Variants in MTSS1 observed in about 807,000 individuals in gnomAD.
MTSS1 encodes the protein MTSS I-BAR domain containing 1, also known as protein MTSS 1.
A neutral mutation model predicts 79.0 loss-of-function variants in MTSS1; 18 were observed. That is an observed-to-expected ratio of 0.23 (90% confidence interval 0.16 to 0.34). The LOEUF is 0.34. Ranked by LOEUF, MTSS1 falls within the 10% of genes least tolerant of loss-of-function variation. MTSS1 has a pLI of 1.00. For synonymous variants in MTSS1, 341 were observed against 368.6 expected (o/e 0.93, Z 0.86); for missense variants, 815 against 986.2 (o/e 0.83, Z 2.33).
chr8:124,591,340 T>C (rs1587061141), intron 3 of MTSS1, 105 bp from the exon 4 acceptor site: 1 of 895,568 alleles, frequency 1.1e-6, no homozygotes, highest in East Asian at 2.5e-5. Context: ...CATTGTAAAA[T>C]ATAAGCCACC....
At position 124,553,118 on chromosome 8, in the gene MTSS1, C is replaced by G; in HGVS notation, c.2142G>C (p.Glu714Asp). Residue 714 changes from glutamate (E) to aspartate (D), a missense_variant, in exon 14 of 14, where the codon GAG becomes GAC. By Grantham distance (45) the Glu-to-Asp change is conservative. Coordinates refer to ENST00000518547, the MANE Select transcript of MTSS1 (RefSeq NM_014751.6). This position sits in a 1 kb window ranked among gnomAD's most constrained non-coding sequence, Gnocchi z 6.0. ...TTGGGCTCAGGTCTGCAGGGTCACTCTCTGGAATCTGGCCTGGGGAGACAG... is the reference window on the plus strand; with the variant it reads ...TTGGGCTCAGGTCTGCAGGGTCACTGTCTGGAATCTGGCCTGGGGAGACAG... ...SATVSPGQIPESDPADLSPRD... is the reference protein window; with the variant it reads ...SATVSPGQIPDSDPADLSPRD... 2 of 1,614,142 alleles carry G rather than the reference C, an allele frequency of 1.2e-6. No homozygotes were observed. The highest frequency in any genetic ancestry group is 1.7e-6 in the Non-Finnish European group (2 of 1,180,026).
chr8:124,720,615 T>A (rs1453324758), intron 1 of MTSS1, among the ~76,000 whole-genome samples: 1 of 152,194 alleles, frequency 6.6e-6, no homozygotes, highest in Non-Finnish European at 1.5e-5. Context: ...CAGCTGACCT[T>A]TGTAATGAAC....
At chr8:124,599,488 A>C (rs1013018411) in intron 3 of MTSS1, among the ~76,000 whole-genome samples, 5 of 147,418 alleles carry the variant, frequency 3.4e-5, no homozygotes, top group Non-Finnish European at 6.0e-5. Flanking sequence ...GTCTCAAAAA[A>C]AAAAAAAAAA....
At chr8:124,636,996 C>T (rs1563910048) in intron 3 of MTSS1, among the ~76,000 whole-genome samples, 1 of 152,300 alleles carries the variant, frequency 6.6e-6, no homozygotes, top group East Asian at 1.9e-4. Flanking sequence ...ATAAAGATGG[C>T]TACGGAAGGA....
chr8:124,720,302 G>T (rs530031119), intron 1 of MTSS1, among the ~76,000 whole-genome samples: 16 of 152,330 alleles, frequency 1.1e-4, no homozygotes, highest in Non-Finnish European at 1.8e-4. Context: ...CACACAAAAG[G>T]TTAAGGCAGG....
chr8:124,709,432 C>A (rs1830842667), intron 1 of MTSS1, among the ~76,000 whole-genome samples: 1 of 152,210 alleles, frequency 6.6e-6, no homozygotes, highest in Non-Finnish European at 1.5e-5. Flanking sequence ...CACATAAAGG[C>A]TTCACAACGT....
chr8:124,719,411 C>T (rs1832590494), intron 1 of MTSS1, among the ~76,000 whole-genome samples: 1 of 152,198 alleles, frequency 6.6e-6, no homozygotes. Context: ...GGACTCTGTA[C>T]TCCCACCCTA....
At chr8:124,680,894 A>C (rs1416456545) in intron 3 of MTSS1, among the ~76,000 whole-genome samples, 2 of 152,136 alleles carry the variant, frequency 1.3e-5, no homozygotes, top group African/African-American at 4.8e-5. Flanking sequence ...CTCTACTCCT[A>C]GGGGAGGATG....
intron 3 of MTSS1, among the ~76,000 whole-genome samples, chr8:124,599,527 A>G (rs1037857379): frequency 2.0e-5 from 3 of 152,074 alleles, no homozygotes; most frequent in Non-Finnish European, 4.4e-5. Context: ...AAAAGAAAAA[A>G]GAAATGAAAG....
At chr8:124,657,658 C>T (rs1821220772) in intron 3 of MTSS1, among the ~76,000 whole-genome samples, 1 of 152,148 alleles carries the variant, frequency 6.6e-6, no homozygotes, top group Non-Finnish European at 1.5e-5. Flanking sequence ...TGGACAAGAG[C>T]ACGTTCACAC....
chr8:124,623,574 T>C (rs969226687), intron 3 of MTSS1, among the ~76,000 whole-genome samples: 4 of 152,366 alleles, frequency 2.6e-5, no homozygotes, highest in South Asian at 2.1e-4. Flanking sequence ...ATTTAAGCAT[T>C]TGGCCTAAAA....
chr8:124,592,049 G>A (rs1831971983), intron 3 of MTSS1, among the ~76,000 whole-genome samples: 1 of 152,212 alleles, frequency 6.6e-6, no homozygotes, highest in African/African-American at 2.4e-5. Flanking sequence ...GCCTCCCAAA[G>A]TGCTAAGATT....
intron 3 of MTSS1, among the ~76,000 whole-genome samples, chr8:124,609,505 GGCAAGGA>G (rs1835421527): frequency 6.6e-6 from 1 of 152,158 alleles, no homozygotes; most frequent in African/African-American, 2.4e-5. Flanking sequence ...TAAAAAGGTG[GGCAAGGA>G]GTAAGCTTTT....
intron 3 of MTSS1, among the ~76,000 whole-genome samples, chr8:124,624,317 G>T (rs927999677): frequency 1.3e-5 from 2 of 152,176 alleles, no homozygotes; most frequent in Non-Finnish European, 2.9e-5. Flanking sequence ...GAGTGCACCC[G>T]CTTTCTGAGC....
intron 3 of MTSS1, among the ~76,000 whole-genome samples, chr8:124,648,717 C>CCCCG (rs1398534595): frequency 6.6e-6 from 1 of 151,938 alleles, no homozygotes; most frequent in African/African-American, 2.4e-5. Flanking sequence ...CAGCCCCCCC[C>CCCCG]CAGATACTGA....
chr8:124,701,158 G>A (rs1829642310), intron 2 of MTSS1, among the ~76,000 whole-genome samples: 1 of 152,146 alleles, frequency 6.6e-6, no homozygotes, highest in Non-Finnish European at 1.5e-5. Context: ...GACCACTTGA[G>A]CCCAGGAGGT....
At chr8:124,723,378 C>A (rs1364436408) in intron 1 of MTSS1, among the ~76,000 whole-genome samples, 3 of 152,146 alleles carry the variant, frequency 2.0e-5, no homozygotes, top group Non-Finnish European at 4.4e-5. Context: ...TCTATGCAAA[C>A]CAGGACCTAG....
chr8:124,659,104 G>A (rs1391312217), intron 3 of MTSS1, among the ~76,000 whole-genome samples: 5 of 152,134 alleles, frequency 3.3e-5, no homozygotes, highest in Non-Finnish European at 5.9e-5. Flanking sequence ...AACTCAGTAA[G>A]CAATTCCTTT....
intron 3 of MTSS1, among the ~76,000 whole-genome samples, chr8:124,612,574 ATGTG>A (rs58367314): frequency 0.087 from 8,637 of 99,372 alleles, 352 homozygotes; most frequent in East Asian, 0.11. Context: ...CAAGTTTAAA[ATGTG>A]TGTGTGTGTG....
Sources: allele counts gnomAD v4.1 joint callset (sites outside exome capture counted in the v4.1 genomes callset), GRCh38; gene constraint gnomAD v4.1.1; non-coding constraint Gnocchi (gnomAD v3.1); transcripts MANE v1.5; gene names NCBI Gene and HGNC (gene_info 2026-07-23, HGNC 2026-07-21).